ERBB4: variants seen among roughly 807,000 people sequenced by gnomAD.
ERBB4 encodes erb-b2 receptor tyrosine kinase 4, also known as receptor tyrosine-protein kinase erbB-4.
Under a neutral mutation model 158.0 loss-of-function variants are expected in ERBB4, and 42 were observed. That is an observed-to-expected ratio of 0.27 (90% CI 0.21 to 0.34). The LOEUF is 0.34. ERBB4 is among the 10% of genes least tolerant of loss of function. The pLI is 1.00. For missense variants in ERBB4, 1,333 were observed against 1,624.1 expected (o/e 0.82, Z 3.08); for synonymous variants, 583 against 558.7 (o/e 1.04, Z -0.61).
chr2:212,389,141 T>A (rs1162431222), intron 1 of ERBB4, among the ~76,000 whole-genome samples: 1 of 152,120 alleles, frequency 6.6e-6, no homozygotes. Flanking sequence ...CTAAATCTGA[T>A]GTTCCAGCAT....
intron 20 of ERBB4, among the ~76,000 whole-genome samples, chr2:211,464,703 T>C (rs2064629212): frequency 1.3e-5 from 2 of 152,136 alleles, no homozygotes; most frequent in Admixed American, 1.3e-4. Flanking sequence ...GAAAAGCTTT[T>C]TTTATATTAT....
At chr2:212,240,709 C>T (rs369192550) in intron 1 of ERBB4, among the ~76,000 whole-genome samples, 18 of 127,574 alleles carry the variant, frequency 1.4e-4, no homozygotes, top group Middle Eastern at 4.8e-3. Flanking sequence ...ACAGAATCAA[C>T]AGGCTGTGCT....
At chr2:211,722,313 A>G in intron 7 of ERBB4, 80 bp downstream of exon 7, 1 of 1,161,520 alleles carries the variant, frequency 8.6e-7, no homozygotes, top group Admixed American at 1.8e-5. Flanking sequence ...CAAGTTTCAC[A>G]TTAAAATAAA....
At chr2:212,136,689 C>G (rs887604614) in intron 1 of ERBB4, among the ~76,000 whole-genome samples, 3 of 152,160 alleles carry the variant, frequency 2.0e-5, no homozygotes, top group Admixed American at 6.6e-5. Flanking sequence ...CTGGTTCACT[C>G]CACTGTTCCA....
chr2:212,500,578 G>A (rs1690834088), intron 1 of ERBB4, among the ~76,000 whole-genome samples: 1 of 151,954 alleles, frequency 6.6e-6, no homozygotes, highest in African/African-American at 2.4e-5. Context: ...GTATTCTAGG[G>A]TTGATGGCAG....
intron 20 of ERBB4, among the ~76,000 whole-genome samples, chr2:211,454,203 T>C (rs1200216204): frequency 1.3e-5 from 2 of 152,036 alleles, no homozygotes; most frequent in African/African-American, 4.8e-5. Flanking sequence ...CAATCTAATA[T>C]TTGTATTAAA....
intron 1 of ERBB4, among the ~76,000 whole-genome samples, chr2:212,316,392 T>A (rs2087281026): frequency 1.3e-5 from 2 of 151,424 alleles, no homozygotes; most frequent in African/African-American, 4.8e-5. Flanking sequence ...GACCCCAAAG[T>A]AGTCTTTAAT....
chr2:211,895,528 G>A (rs926349497), intron 3 of ERBB4, among the ~76,000 whole-genome samples: 2 of 152,036 alleles, frequency 1.3e-5, no homozygotes, highest in African/African-American at 4.8e-5. Context: ...CAAAATGCTT[G>A]GATTACAGGC....
At chr2:212,471,444 G>T (rs1383512324) in intron 1 of ERBB4, among the ~76,000 whole-genome samples, 6 of 151,890 alleles carry the variant, frequency 4.0e-5, no homozygotes, top group African/African-American at 1.4e-4. Flanking sequence ...AAATATTCTT[G>T]CAATTGCTAT....
At chr2:211,930,623 G>A (rs2080148952) in intron 3 of ERBB4, among the ~76,000 whole-genome samples, 1 of 152,012 alleles carries the variant, frequency 6.6e-6, no homozygotes, top group Non-Finnish European at 1.5e-5. Flanking sequence ...TAGCAATTGA[G>A]CTACTGAAAA....
intron 2 of ERBB4, among the ~76,000 whole-genome samples, chr2:211,982,284 A>G (rs1216701689): frequency 1.3e-5 from 2 of 152,184 alleles, no homozygotes; most frequent in Non-Finnish European, 2.9e-5. Flanking sequence ...AGTGTTACTA[A>G]AACGATGTCC....
At chr2:212,050,295 A>G (rs1233239531) in intron 2 of ERBB4, among the ~76,000 whole-genome samples, 1 of 152,220 alleles carries the variant, frequency 6.6e-6, no homozygotes, top group Non-Finnish European at 1.5e-5. Context: ...CTGTATCCAT[A>G]ACCACTTTCT....
intron 27 of ERBB4, 115 bp downstream of exon 27, chr2:211,386,738 A>C: frequency 1.1e-6 from 1 of 947,256 alleles, no homozygotes; most frequent in Non-Finnish European, 1.7e-6. Context: ...CTAGGCCTTT[A>C]CTGGATCACA....
rs745364473 is a variant in ERBB4 at position 211,837,574 on chromosome 2, C to G, written c.422-49415G>C. ...GTAGCAAAGGGTTTAAAATCATAGA[C>G]TCTCAATCCAAGCTGCCTAGGGTTG... On this transcript the variant is annotated intron_variant, in intron 3 of 27. Coordinates refer to ENST00000342788, the MANE Select transcript of ERBB4 (RefSeq NM_005235.3). Among the ~76,000 whole-genome samples the G allele has an allele frequency of 2.0e-4, 30 of 152,026 alleles. 1 individual carries two copies. The highest frequency in any genetic ancestry group is 7.4e-5 in the Non-Finnish European group (5 of 67,990).
chr2:211,827,344 C>T (rs2077124048), intron 3 of ERBB4, among the ~76,000 whole-genome samples: 1 of 152,016 alleles, frequency 6.6e-6, no homozygotes, highest in Non-Finnish European at 1.5e-5. Flanking sequence ...CTGCAAGACA[C>T]AATAAGAAGG....
chr2:211,450,804 C>A (rs983436656), intron 20 of ERBB4, among the ~76,000 whole-genome samples: 33 of 152,132 alleles, frequency 2.2e-4, no homozygotes, highest in Admixed American at 2.2e-3. Flanking sequence ...TTCATCAGAG[C>A]ACTTATGACT....
At chr2:212,444,613 T>C (rs967455664) in intron 1 of ERBB4, among the ~76,000 whole-genome samples, 4 of 152,136 alleles carry the variant, frequency 2.6e-5, no homozygotes, top group Non-Finnish European at 5.9e-5. Context: ...CTATGGATAC[T>C]CCTCAGCCTC....
intron 1 of ERBB4, among the ~76,000 whole-genome samples, chr2:212,501,503 G>C (rs1158065067): frequency 2.0e-5 from 3 of 152,144 alleles, no homozygotes; most frequent in African/African-American, 7.2e-5. Flanking sequence ...CAACAGCAGT[G>C]AAAGTGAGGA....
chr2:212,400,218 T>C lies in ERBB4; in HGVS notation c.82+138231A>G, dbSNP rs183882469. Among the ~76,000 whole-genome samples, 38 of 152,268 alleles carry C rather than the reference T, an allele frequency of 2.5e-4. 2 individuals are homozygous for C. In the East Asian group the frequency reaches 7.1e-3, roughly 29 times the overall value. The stretch of plus-strand genomic sequence containing the variant: ...GTAAGTAGAGAAGGGACATGATTAC[T>C]TTTGCATTTCAAAACACTCTTGCTG... On this transcript the variant is annotated intron_variant, in intron 1 of 27. Coordinates refer to ENST00000342788, the MANE Select transcript of ERBB4 (RefSeq NM_005235.3).
Sources: allele counts gnomAD v4.1 joint callset (sites outside exome capture counted in the v4.1 genomes callset), GRCh38; gene constraint gnomAD v4.1.1; transcripts MANE v1.5; gene names NCBI Gene and HGNC (gene_info 2026-07-23, HGNC 2026-07-21).